Variants in IL1RAPL2 observed in about 807,000 individuals in gnomAD.
IL1RAPL2 encodes X-linked interleukin-1 receptor accessory protein-like 2.
In IL1RAPL2, 3 loss-of-function variants were observed where a neutral mutation model predicts 44.1. The ratio of observed to expected loss-of-function variants is 0.07; its 90% CI spans 0.03 to 0.18. The LOEUF (loss-of-function observed/expected upper bound fraction) is 0.18, where lower values mean the gene tolerates loss of function less well. Ranked by LOEUF, IL1RAPL2 falls within the 10% of genes least tolerant of loss-of-function variation. IL1RAPL2 has a pLI of 1.00. For synonymous variants in IL1RAPL2, 181 were observed against 178.8 expected, an observed-to-expected ratio of 1.01 and a Z score of -0.10; for missense variants, 391 against 496.4, an observed-to-expected ratio of 0.79 and a Z score of 2.02.
chrX:104,585,324 AT>A (rs1928517433), intron 1 of IL1RAPL2, among the ~76,000 whole-genome samples: 1 of 19,622 alleles, frequency 5.1e-5, no homozygotes, highest in Non-Finnish European at 7.0e-5. Flanking sequence ...TATATATTAT[AT>A]ATAATATATA....
At chrX:105,226,740 C>A (rs1040557009) in intron 3 of IL1RAPL2, among the ~76,000 whole-genome samples, 1 of 109,634 alleles carries the variant, frequency 9.1e-6, no homozygotes, top group Non-Finnish European at 1.9e-5. Context: ...TAAAACAACC[C>A]TATTAAGTTA....
chrX:105,014,064 CATGAGT>C (rs1298291065), intron 2 of IL1RAPL2, among the ~76,000 whole-genome samples: 1 of 111,790 alleles, frequency 8.9e-6, no homozygotes, highest in African/African-American at 3.2e-5. Context: ...TTTTTTATAT[CATGAGT>C]ATAAGTGGAG....
At chrX:105,452,890 G>A (rs2036029188) in intron 5 of IL1RAPL2, among the ~76,000 whole-genome samples, 2 of 112,269 alleles carry the variant, frequency 1.8e-5, no homozygotes, top group Non-Finnish European at 3.8e-5. Flanking sequence ...CTTTAGCCCT[G>A]CAATGGGCAT....
chrX:105,106,698 T>C, intron 2 of IL1RAPL2, among the ~76,000 whole-genome samples: 1 of 110,696 alleles, frequency 9.0e-6, no homozygotes, highest in Non-Finnish European at 1.9e-5. Flanking sequence ...CTGAGGAAAA[T>C]AATATTATCC....
At chrX:105,569,974 A>G (rs917672581) in intron 6 of IL1RAPL2, among the ~76,000 whole-genome samples, 1 of 110,837 alleles carries the variant, frequency 9.0e-6, no homozygotes, top group Non-Finnish European at 1.9e-5. Context: ...TTTCTTTTTT[A>G]AATTTTATTT....
chrX:105,249,284 A>G (rs776380784), intron 4 of IL1RAPL2, among the ~76,000 whole-genome samples: 1 of 111,159 alleles, frequency 9.0e-6, no homozygotes, highest in South Asian at 3.8e-4. Context: ...TGTGGGATCT[A>G]AAAATCAAAA....
At chrX:105,349,537 A>G (rs192505865) in intron 5 of IL1RAPL2, among the ~76,000 whole-genome samples, 1 of 112,142 alleles carries the variant, frequency 8.9e-6, no homozygotes, top group Admixed American at 9.5e-5. Flanking sequence ...GCAGCTCTTC[A>G]TTCAAATTTC....
At chrX:105,397,123 C>T (rs1293405668) in intron 5 of IL1RAPL2, among the ~76,000 whole-genome samples, 2 of 111,292 alleles carry the variant, frequency 1.8e-5, no homozygotes, top group Non-Finnish European at 3.8e-5. Flanking sequence ...CCATCACCCC[C>T]AGATGGGACC....
Position 104,855,681 on chromosome X carries a change from G to GTGTTTTTTTTT in IL1RAPL2, c.82+196687_82+196688insGTTTTTTTTTT. On this transcript the variant is annotated intron_variant, in intron 2 of 10. Transcript: ENST00000372582. ...TTAACTGTGCTAAGGATCTGGATCC[G>GTGTTTTTTTTT]TTTTTTTTTTTTTTTTTACTGTATC... Among the ~76,000 whole-genome samples, 62 of 53,858 alleles carry GTGTTTTTTTTT rather than the reference G, an allele frequency of 1.2e-3. 10 individuals are homozygous for GTGTTTTTTTTT. The highest frequency in any genetic ancestry group is 9.3e-3 in the Middle Eastern group (1 of 107). 46.8% of individuals were successfully genotyped at this position (53,858 alleles called of 115,157 possible).
chrX:104,812,450 A>G (rs778168696), intron 2 of IL1RAPL2, among the ~76,000 whole-genome samples: 10 of 111,514 alleles, frequency 9.0e-5, no homozygotes, highest in Non-Finnish European at 1.7e-4. Flanking sequence ...TGTCATTCCT[A>G]CTATGACCAC....
chrX:105,403,595 G>A (rs992976225), intron 5 of IL1RAPL2, among the ~76,000 whole-genome samples: 3 of 111,443 alleles, frequency 2.7e-5, no homozygotes, highest in Non-Finnish European at 5.7e-5. Flanking sequence ...AAAACATTAG[G>A]TAACTCACAT....
chrX:105,144,174 T>C (rs2033157705), intron 2 of IL1RAPL2, among the ~76,000 whole-genome samples: 1 of 106,246 alleles, frequency 9.4e-6, no homozygotes, highest in East Asian at 3.0e-4. Flanking sequence ...TTCCTCTGTT[T>C]TTTCACTTCC....
intron 2 of IL1RAPL2, among the ~76,000 whole-genome samples, chrX:104,700,873 G>A (rs1931263618): frequency 9.0e-6 from 1 of 111,626 alleles, no homozygotes; most frequent in Non-Finnish European, 1.9e-5. Flanking sequence ...CTTTTTATTT[G>A]TCATAACTAA....
rs749585890 is a variant in IL1RAPL2, at chrX:105,406,717, C to T, written c.698-77596C>T. On this transcript the variant is annotated intron_variant, in intron 5 of 10. Transcript: ENST00000372582. ...TGCAAATCTCCAGGGAGTCAAGATG[C>T]TCTGTTCTAATGCAGAAGGAGCATC... The T allele has an allele frequency of 9.6e-5, 114 of 1,189,269 alleles. 1 individual carries two copies. In the East Asian group the frequency reaches 3.3e-3, roughly 34 times the overall value.
intron 2 of IL1RAPL2, among the ~76,000 whole-genome samples, chrX:105,051,431 C>T (rs1170455457): frequency 8.8e-6 from 1 of 113,033 alleles, no homozygotes; most frequent in East Asian, 2.8e-4. Flanking sequence ...CTGGCTTCTG[C>T]CTGGTCCATG....
chrX:105,237,478 C>G (rs1481954836), intron 4 of IL1RAPL2, among the ~76,000 whole-genome samples: 1 of 111,917 alleles, frequency 8.9e-6, no homozygotes, highest in Admixed American at 9.5e-5. Context: ...AAAAGTGTTC[C>G]TTTTTCTCCA....
At position 104,882,941 on chromosome X, in the gene IL1RAPL2, G is replaced by A. The variant is rs868377736; in HGVS notation, c.82+223946G>A. On this transcript the variant is annotated intron_variant, in intron 2 of 10. Transcript: ENST00000372582. ...CTTTAAAAGCTGTAACACACACTGC[G>A]AAGGTCTGCGGCTTCACTCCTGGTC... Among the ~76,000 whole-genome samples, 8 of 111,385 alleles carry A rather than the reference G, an allele frequency of 7.2e-5. No individual in the cohort carries two copies. In the South Asian group the frequency reaches 1.2e-3, roughly 16 times the overall value.
At chrX:105,696,961 A>G (rs2038080821) in intron 6 of IL1RAPL2, among the ~76,000 whole-genome samples, 2 of 111,357 alleles carry the variant, frequency 1.8e-5, no homozygotes, top group African/African-American at 6.5e-5. Context: ...ACCCACATCT[A>G]CTAGGCTCCT....
chrX:105,521,265 C>G (rs1292059932), intron 6 of IL1RAPL2, among the ~76,000 whole-genome samples: 1 of 109,383 alleles, frequency 9.1e-6, no homozygotes, highest in African/African-American at 3.3e-5. Context: ...TTTCTAAGAA[C>G]ATGGGGATTC....
Sources: gnomAD v4.1 joint callset for allele counts (sites outside exome capture counted in the v4.1 genomes callset) on GRCh38, gnomAD v4.1.1 for gene constraint, MANE v1.5 for transcripts, NCBI Gene and HGNC (gene_info 2026-07-23, HGNC 2026-07-21) for gene names.